The following UBE2G2 variants were observed in gnomAD, a reference collection of about 807,000 sequenced individuals.
UBE2G2 encodes ubiquitin conjugating enzyme E2 G2.
UBE2G2 carries 10 observed loss-of-function variants against 23.0 expected under a neutral mutation model. The observed-to-expected ratio is 0.43, with a 90% CI of 0.27 to 0.74. UBE2G2 has a LOEUF of 0.74. Among genes scored for constraint, UBE2G2 ranks in the 30% least tolerant of loss-of-function variants. The pLI is 0.19. For missense variants in UBE2G2, 150 were observed against 218.3 expected (o/e 0.69, Z 1.97); for synonymous variants, 86 against 81.3 (o/e 1.06, Z -0.31).
rs782511725 is a variant in UBE2G2 at position 44,771,515 on chromosome 21, T to C, written c.386-26A>G. The C allele has an allele frequency of 1.3e-5, 21 of 1,604,600 alleles. No homozygotes were observed. The highest frequency in any genetic ancestry group is 1.7e-4 in the Middle Eastern group (1 of 6,052). On this transcript the variant is annotated intron_variant, in intron 5 of 5. Coordinates refer to ENST00000345496, the MANE Select transcript of UBE2G2 (RefSeq NM_003343.6). The surrounding 1 kb of genome is among the most constrained non-coding windows in gnomAD (Gnocchi z 4.6). The stretch of plus-strand genomic sequence containing the variant: ...CTGAAAGAAAAGGGAACACCCTCCA[T>C]GTAAAAGGGAGTCTTATACGTAAGC...
intron 3 of UBE2G2, among the ~76,000 whole-genome samples, chr21:44,787,444 C>G (rs756894452): frequency 2.6e-5 from 4 of 152,110 alleles, no homozygotes; most frequent in African/African-American, 9.7e-5. Context: ...CACGAAGATA[C>G]GAACTGGGAG....
At chr21:44,792,301 G>C (rs782539699) in intron 1 of UBE2G2, among the ~76,000 whole-genome samples, 1 of 152,108 alleles carries the variant, frequency 6.6e-6, no homozygotes, top group Non-Finnish European at 1.5e-5. Flanking sequence ...TTTGGGAGGG[G>C]TAGGGGGAGA....
intron 1 of UBE2G2, among the ~76,000 whole-genome samples, chr21:44,792,269 T>C (rs1196573635): frequency 1.3e-5 from 2 of 152,158 alleles, no homozygotes; most frequent in Admixed American, 1.3e-4. Flanking sequence ...TGAAATGGAA[T>C]GGTTTTGAAA....
intron 3 of UBE2G2, 32 bp downstream of exon 3, chr21:44,787,888 C>T: frequency 1.2e-6 from 2 of 1,609,628 alleles, no homozygotes; most frequent in South Asian, 2.2e-5. Context: ...CCAGCAAAGC[C>T]CTAAAAACTA....
intron 3 of UBE2G2, among the ~76,000 whole-genome samples, chr21:44,778,093 T>A (rs782009491): frequency 6.6e-6 from 1 of 152,188 alleles, no homozygotes; most frequent in Non-Finnish European, 1.5e-5. Flanking sequence ...TGTGGTACAA[T>A]CACATTTTAG....
chr21:44,790,416 A>C (rs2146400178), intron 1 of UBE2G2, among the ~76,000 whole-genome samples: 1 of 152,314 alleles, frequency 6.6e-6, no homozygotes, highest in South Asian at 2.1e-4. Context: ...CCAAACTGGA[A>C]ACAACCCAAA....
chr21:44,773,689 T>C lies in UBE2G2; in HGVS notation c.245-2A>G. The C allele has an allele frequency of 6.2e-7, 1 of 1,611,712 alleles. No homozygotes were observed. The highest frequency in any genetic ancestry group is 8.5e-7 in the Non-Finnish European group (1 of 1,179,906). ...TGCAGACTCTCCCATCAGGGTAGACTGCAAGGGTCAGAGGCAGCCAAGTGA... is the reference window on the plus strand; with the variant it reads ...TGCAGACTCTCCCATCAGGGTAGACCGCAAGGGTCAGAGGCAGCCAAGTGA... On this transcript the variant is annotated splice_acceptor_variant, in intron 4 of 5. Coordinates refer to ENST00000345496, the MANE Select transcript of UBE2G2 (RefSeq NM_003343.6). LOFTEE classifies it high-confidence loss of function.
intron 3 of UBE2G2, among the ~76,000 whole-genome samples, chr21:44,782,757 C>T (rs2082966312): frequency 6.6e-6 from 1 of 152,174 alleles, no homozygotes; most frequent in South Asian, 2.1e-4. Flanking sequence ...GAAACAGACT[C>T]CCACCTAACT....
At chr21:44,786,522 T>C (rs1555962030) in intron 3 of UBE2G2, among the ~76,000 whole-genome samples, 1 of 152,254 alleles carries the variant, frequency 6.6e-6, no homozygotes, top group South Asian at 2.1e-4. Flanking sequence ...ACATTTTGTT[T>C]ATCCAAAATA....
At position 44,772,073 on chromosome 21, in the gene UBE2G2, C is replaced by A. The variant is rs1446764903; in HGVS notation, c.386-584G>T. Among the ~76,000 whole-genome samples the A allele has an allele frequency of 6.6e-6, 1 of 152,248 alleles. No individual in the cohort carries two copies. Among genetic ancestry groups the A allele is most frequent in the African/African-American group, 2.4e-5 (1 of 41,466 alleles). ...GGAGGCACGGAGGGAGTAGCCAGGG[C>A]CTGCCGGAAGGCAGAACGGAGAGAG... On this transcript the variant is annotated intron_variant, in intron 5 of 5. Coordinates refer to ENST00000345496, the MANE Select transcript of UBE2G2 (RefSeq NM_003343.6). The surrounding 1 kb of genome is among the most constrained non-coding windows in gnomAD (Gnocchi z 5.4).
Position 44,777,521 on chromosome 21 carries a change from C to T in UBE2G2, c.126-104G>A, listed in dbSNP as rs574839550. The stretch of plus-strand genomic sequence containing the variant: ...ACATTTTTACCACTTTAAAAATGCA[C>T]GTGAGGCCGGGTGCGGTGGCTCACG... On this transcript the variant is annotated intron_variant, in intron 3 of 5. Coordinates refer to ENST00000345496, the MANE Select transcript of UBE2G2 (RefSeq NM_003343.6). 69 of 1,218,556 alleles carry T rather than the reference C, an allele frequency of 5.7e-5. No homozygotes were observed. The East Asian group carries it at 1.4e-3, about 25-fold the overall frequency. The allele number at this position is 1,218,556 out of a possible 1,614,324, so 75.5% of individuals were successfully genotyped here.
intron 3 of UBE2G2, among the ~76,000 whole-genome samples, chr21:44,787,080 G>A (rs235368): frequency 0.032 from 4,432 of 137,026 alleles, 101 homozygotes; most frequent in Admixed American, 0.051. Flanking sequence ...CAACAAGGGC[G>A]AAACTCCATC....
chr21:44,795,338 A>T (rs2083078459), intron 1 of UBE2G2, among the ~76,000 whole-genome samples: 1 of 152,172 alleles, frequency 6.6e-6, no homozygotes, highest in Non-Finnish European at 1.5e-5. Context: ...AATGGCTAAA[A>T]TTTTTAAAAC....
chr21:44,772,404 T>C lies in UBE2G2; in HGVS notation c.386-915A>G, dbSNP rs3788140. 0.61 allele frequency among the ~76,000 whole-genome samples: 92,508 copies of C among 151,884 alleles called. 28,349 individuals carry two copies. Among genetic ancestry groups the C allele is most frequent in the East Asian group, 0.69 (3,580 of 5,164 alleles). Reference sequence around the variant, plus strand: ...CGGCACCCAAAGGCTCTGCAGAGAATAGCTGAGTGGCCTCACTCTGGCATC... The same window carrying C: ...CGGCACCCAAAGGCTCTGCAGAGAACAGCTGAGTGGCCTCACTCTGGCATC... On this transcript the variant is annotated intron_variant, in intron 5 of 5. Coordinates refer to ENST00000345496, the MANE Select transcript of UBE2G2 (RefSeq NM_003343.6). The surrounding 1 kb of genome is among the most constrained non-coding windows in gnomAD (Gnocchi z 5.4).
At chr21:44,801,591 T>A (rs2083138679) in intron 1 of UBE2G2, 115 bp downstream of exon 1, 1 of 1,339,796 alleles carries the variant, frequency 7.5e-7, no homozygotes, top group Non-Finnish European at 9.7e-7. Context: ...GGGCTCACGG[T>A]GGAGGCCCCG....
intron 4 of UBE2G2, chr21:44,773,889 A>G: frequency 1.6e-6 from 1 of 618,210 alleles, no homozygotes; most frequent in Non-Finnish European, 2.6e-6. Context: ...ACTCACTGAC[A>G]GGCTCCAGGC....
chr21:44,776,338 G>GA (rs1163528132), intron 4 of UBE2G2, among the ~76,000 whole-genome samples: 13 of 151,246 alleles, frequency 8.6e-5, no homozygotes, highest in Non-Finnish European at 1.6e-4. Flanking sequence ...TTACAAAAAG[G>GA]AAAAAAAATT....
At chr21:44,776,448 A>G (rs569456188) in intron 4 of UBE2G2, among the ~76,000 whole-genome samples, 142 of 152,334 alleles carry the variant, frequency 9.3e-4, no homozygotes, top group Non-Finnish European at 1.7e-3. Flanking sequence ...AAATTATAAC[A>G]GTGCTACTGC....
chr21:44,794,541 T>G (rs1281866551), intron 1 of UBE2G2, among the ~76,000 whole-genome samples: 2 of 151,056 alleles, frequency 1.3e-5, no homozygotes, highest in East Asian at 1.9e-4. Flanking sequence ...TTTTTTGTTT[T>G]TTTTTTTTTT....
Sources: gnomAD v4.1 joint callset for allele counts (sites outside exome capture counted in the v4.1 genomes callset) on GRCh38, gnomAD v4.1.1 for gene constraint, Gnocchi (gnomAD v3.1) non-coding constraint, MANE v1.5 for transcripts, NCBI Gene and HGNC (gene_info 2026-07-23, HGNC 2026-07-21) for gene names.